SGPP2: variants seen among roughly 807,000 people sequenced by gnomAD.
The protein encoded by SGPP2 is sphingosine-1-phosphate phosphatase 2, also known as sphingosine 1-phosphate phosphohydrolase 2.
SGPP2 carries 30 observed loss-of-function variants against 33.9 expected under a neutral mutation model. That is an observed-to-expected ratio of 0.89 (90% CI 0.66 to 1.20). The LOEUF (loss-of-function observed/expected upper bound fraction) is 1.20. Ranked by LOEUF, SGPP2 falls within the 50% of genes most tolerant of loss-of-function variation. The probability of loss-of-function intolerance (pLI) is 0.00; values close to 1 mark genes in which losing one functional copy is unlikely to be tolerated. For missense variants in SGPP2, 458 were observed against 532.1 expected, an observed-to-expected ratio of 0.86 and a Z score of 1.37; for synonymous variants, 233 against 225.0, an observed-to-expected ratio of 1.04 and a Z score of -0.32.
chr2:222,490,771 T>C (rs886564121), intron 2 of SGPP2, among the ~76,000 whole-genome samples: 2 of 152,126 alleles, frequency 1.3e-5, no homozygotes, highest in African/African-American at 4.8e-5. Flanking sequence ...CACTAGAGGT[T>C]GATATGAGTG....
chr2:222,437,530 G>A (rs1233399726), intron 1 of SGPP2, among the ~76,000 whole-genome samples: 1 of 152,186 alleles, frequency 6.6e-6, no homozygotes, highest in Non-Finnish European at 1.5e-5. Context: ...GGTGCAGGCT[G>A]GGGGAGAGAA....
chr2:222,542,841 G>T (rs1174405510), intron 4 of SGPP2, among the ~76,000 whole-genome samples: 3 of 149,530 alleles, frequency 2.0e-5, no homozygotes, highest in South Asian at 2.1e-4. Context: ...TTGAGACAAG[G>T]TCTCATTCTG....
intron 1 of SGPP2, among the ~76,000 whole-genome samples, chr2:222,433,574 C>A (rs1697190935): frequency 6.6e-6 from 1 of 152,074 alleles, no homozygotes; most frequent in Non-Finnish European, 1.5e-5. Context: ...TTGAAAGGTG[C>A]GCTAAACTCG....
At chr2:222,457,887 A>G (rs1697595611) in intron 1 of SGPP2, among the ~76,000 whole-genome samples, 1 of 152,184 alleles carries the variant, frequency 6.6e-6, no homozygotes, top group Non-Finnish European at 1.5e-5. Context: ...GGGATTGCCA[A>G]TGAATGATCT....
At chr2:222,531,293 A>G (rs1174184911) in intron 4 of SGPP2, among the ~76,000 whole-genome samples, 2 of 152,226 alleles carry the variant, frequency 1.3e-5, no homozygotes, top group Non-Finnish European at 2.9e-5. Context: ...AATCAAGGGA[A>G]GCAGAGTAAA....
chr2:222,503,938 TG>T (rs1040688151), intron 2 of SGPP2: 1 of 152,152 alleles, frequency 6.6e-6, no homozygotes. Flanking sequence ...GCCAGATTTA[TG>T]GTCATACCAA....
At chr2:222,526,466 C>T (rs1340465141) in intron 4 of SGPP2, among the ~76,000 whole-genome samples, 1 of 152,120 alleles carries the variant, frequency 6.6e-6, no homozygotes, top group Admixed American at 6.5e-5. Context: ...GGGAGGAGGG[C>T]GTTCTCTATT....
At position 222,477,331 on chromosome 2, in the gene SGPP2, A is replaced by ATG. The variant is rs759450975; in HGVS notation, c.378+2615_378+2616dup. ...TAGGTGTGAGTATATATGTGTGTCT[A>ATG]TGTGTGTGTGTATAGGTGTGTATAT... On this transcript the variant is annotated intron_variant, in intron 2 of 4. Transcript: ENST00000321276. The surrounding 1 kb of genome is among the most constrained non-coding windows in gnomAD (Gnocchi z 6.0). Among the ~76,000 whole-genome samples the ATG allele has an allele frequency of 3.6e-5, 5 of 137,186 alleles. No homozygotes were observed. Among genetic ancestry groups the ATG allele is most frequent in the African/African-American group, 1.3e-4 (4 of 31,620 alleles). The allele number at this position is 137,186 out of a possible 152,430, so 90.0% of individuals were successfully genotyped here.
chr2:222,475,260 G>A (rs1446145974), intron 2 of SGPP2, among the ~76,000 whole-genome samples: 1 of 152,038 alleles, frequency 6.6e-6, no homozygotes, highest in Non-Finnish European at 1.5e-5. Context: ...GTAGAGATGG[G>A]GTTTCACCAT....
chr2:222,447,222 C>T (rs1697411537), intron 1 of SGPP2, among the ~76,000 whole-genome samples: 1 of 152,174 alleles, frequency 6.6e-6, no homozygotes, highest in African/African-American at 2.4e-5. Flanking sequence ...ATAAAGAAAA[C>T]AAAAGCATAT....
In SGPP2 at chr2:222,521,791, G is replaced by A. The variant is rs766198432; in HGVS notation, c.403G>A (p.Ala135Thr). 5 of 1,608,482 alleles carry A rather than the reference G, an allele frequency of 3.1e-6. No individual in the cohort carries two copies. Among genetic ancestry groups the A allele is most frequent in the Admixed American group, 1.7e-5 (1 of 58,640 alleles). Residue 135 changes from alanine to threonine, a missense_variant, in exon 3 of 5, where the codon GCC becomes ACC. By Grantham distance (58) the Ala-to-Thr change is moderately conservative (BLOSUM62 0). Coordinates refer to ENST00000321276, the MANE Select transcript of SGPP2 (RefSeq NM_152386.4). ...GTTGGTGATGTATATTGGCCAAGTG[G>A]CCAAGGATGTCTTGAAGTGGCCCCG... Reference protein sequence around the residue: ...WVLVMYIGQVAKDVLKWPRPS... With the variant: ...WVLVMYIGQVTKDVLKWPRPS...
rs1689532423 is a variant in SGPP2, at chr2:222,561,195, G to A, written c.*2297G>A. 6.6e-6 allele frequency among the ~76,000 whole-genome samples: 1 copy of A among 151,746 alleles called. No individual in the cohort carries two copies. ...ATAGTTAGAAGGCAAAGATCAAGATGACCTGCCGTTTGACTGCTTTTACAT... is the reference window on the plus strand; with the variant it reads ...ATAGTTAGAAGGCAAAGATCAAGATAACCTGCCGTTTGACTGCTTTTACAT... On this transcript the variant is annotated 3_prime_UTR_variant, in exon 5 of 5. Transcript: ENST00000321276.
intron 1 of SGPP2, among the ~76,000 whole-genome samples, chr2:222,426,002 A>T (rs1697063677): frequency 6.6e-6 from 1 of 151,908 alleles, no homozygotes; most frequent in Non-Finnish European, 1.5e-5. Context: ...CCTATAGATG[A>T]GTATGAGAAC....
At position 222,477,329 on chromosome 2, in the gene SGPP2, CTATG is replaced by C. The variant is rs373515224; in HGVS notation, c.378+2605_378+2608del. 0.032 allele frequency among the ~76,000 whole-genome samples: 4,194 copies of C among 129,522 alleles called. 183 individuals carry two copies. Among genetic ancestry groups the C allele is most frequent in the African/African-American group, 0.11 (3,714 of 34,024 alleles). 85.0% of individuals were successfully genotyped at this position (129,522 alleles called of 152,430 possible). Reference sequence around the variant, plus strand: ...TATAGGTGTGAGTATATATGTGTGTCTATGTGTGTGTGTATAGGTGTGTATATAT... The same window carrying C: ...TATAGGTGTGAGTATATATGTGTGTCTGTGTGTGTATAGGTGTGTATATAT... On this transcript the variant is annotated intron_variant, in intron 2 of 4. Coordinates refer to ENST00000321276, the MANE Select transcript of SGPP2 (RefSeq NM_152386.4). The surrounding 1 kb of genome is among the most constrained non-coding windows in gnomAD (Gnocchi z 6.0).
chr2:222,450,734 C>A (rs1353645133), intron 1 of SGPP2, among the ~76,000 whole-genome samples: 1 of 152,164 alleles, frequency 6.6e-6, no homozygotes, highest in Non-Finnish European at 1.5e-5. Flanking sequence ...CCCTCCCACT[C>A]CCAGACCAAA....
chr2:222,452,504 C>T (rs1386388180), intron 1 of SGPP2: 26 of 900,526 alleles, frequency 2.9e-5, no homozygotes, highest in Non-Finnish European at 4.4e-5. Context: ...TTATGGCTTT[C>T]CCCAGCAGTT....
At chr2:222,541,079 AG>A (rs1698989498) in intron 4 of SGPP2, among the ~76,000 whole-genome samples, 1 of 152,144 alleles carries the variant, frequency 6.6e-6, no homozygotes, top group South Asian at 2.1e-4. Context: ...AGCCTTCCAA[AG>A]TGCTGGGATT....
chr2:222,460,167 T>C lies in SGPP2; in HGVS notation c.220-14401T>C, dbSNP rs1356133721. Among the ~76,000 whole-genome samples the C allele has an allele frequency of 6.6e-6, 1 of 152,232 alleles. No homozygotes were observed. The highest frequency in any genetic ancestry group is 2.4e-5 in the African/African-American group (1 of 41,450). On this transcript the variant is annotated intron_variant, in intron 1 of 4. Coordinates refer to ENST00000321276, the MANE Select transcript of SGPP2 (RefSeq NM_152386.4). The surrounding 1 kb of genome is among the most constrained non-coding windows in gnomAD (Gnocchi z 4.3). Reference sequence around the variant, plus strand: ...TGCCATCCACAGAAGAAGGACTCACTTTCTCTGGGTTTTATCACGTTGTTT... The same window carrying C: ...TGCCATCCACAGAAGAAGGACTCACCTTCTCTGGGTTTTATCACGTTGTTT...
intron 2 of SGPP2, among the ~76,000 whole-genome samples, chr2:222,479,753 C>T (rs1364587101): frequency 6.6e-6 from 1 of 152,090 alleles, no homozygotes; most frequent in Non-Finnish European, 1.5e-5. Flanking sequence ...ATTATTGGAA[C>T]GCGAAGCTTG....
Sources: allele counts gnomAD v4.1 joint callset (sites outside exome capture counted in the v4.1 genomes callset), GRCh38; gene constraint gnomAD v4.1.1; non-coding constraint Gnocchi (gnomAD v3.1); transcripts MANE v1.5; gene names NCBI Gene and HGNC (gene_info 2026-07-23, HGNC 2026-07-21).